The following GPC6 variants were observed in gnomAD, a reference collection of about 807,000 sequenced individuals.
GPC6 encodes glypican 6, also known as glypican-6.
In GPC6, 14 loss-of-function variants were observed where a neutral mutation model predicts 55.2. That is an observed-to-expected ratio of 0.25 (90% CI 0.17 to 0.40). GPC6 has a LOEUF of 0.40. GPC6 is among the 10% of genes least tolerant of loss of function. The probability of loss-of-function intolerance (pLI) is 1.00; values close to 1 mark genes in which losing one functional copy is unlikely to be tolerated. For synonymous variants in GPC6, 278 were observed against 259.6 expected (o/e 1.07, Z -0.68); for missense variants, 641 against 708.5 (o/e 0.90, Z 1.08).
intron 2 of GPC6, among the ~76,000 whole-genome samples, chr13:93,674,673 A>G (rs980030136): frequency 1.3e-5 from 2 of 152,164 alleles, no homozygotes; most frequent in Non-Finnish European, 2.9e-5. Flanking sequence ...CAGAATGAGG[A>G]GTGTTGGAGA....
intron 4 of GPC6, among the ~76,000 whole-genome samples, chr13:94,083,327 C>T (rs576766810): frequency 7.2e-5 from 11 of 152,222 alleles, no homozygotes; most frequent in African/African-American, 1.2e-4. Flanking sequence ...ACCGTGTTAG[C>T]CAGGATGGTC....
chr13:94,339,848 C>G (rs1285491944), intron 6 of GPC6, among the ~76,000 whole-genome samples: 1 of 147,458 alleles, frequency 6.8e-6, no homozygotes, highest in Non-Finnish European at 1.5e-5. Flanking sequence ...GCCTCAACCT[C>G]CAACTTCCGG....
Position 93,874,835 on chromosome 13 carries a change from C to T in GPC6, c.711+44290C>T, listed in dbSNP as rs572023303. ...TGGCATCCTCTGACATGACCTTATC[C>T]TAGTTACATCTCCTCTACCATTTTA... is the stretch of plus-strand genomic sequence containing the variant. On this transcript the variant is annotated intron_variant, in intron 3 of 8. Transcript: ENST00000377047. Among the ~76,000 whole-genome samples the T allele has an allele frequency of 8.6e-5, 13 of 151,932 alleles. No individual in the cohort carries two copies. In the East Asian group the frequency reaches 2.1e-3, roughly 25 times the overall value.
At chr13:93,711,092 A>G (rs1027808974) in intron 2 of GPC6, among the ~76,000 whole-genome samples, 1 of 151,838 alleles carries the variant, frequency 6.6e-6, no homozygotes, top group African/African-American at 2.4e-5. Flanking sequence ...CAAGGCTGAG[A>G]AATTATAAGT....
intron 3 of GPC6, among the ~76,000 whole-genome samples, chr13:93,990,446 A>T (rs1395745077): frequency 6.6e-6 from 1 of 152,144 alleles, no homozygotes; most frequent in Non-Finnish European, 1.5e-5. Context: ...TGAGGATAAA[A>T]TGTACAGTTG....
chr13:93,612,007 C>A (rs1878483337), intron 2 of GPC6, among the ~76,000 whole-genome samples: 1 of 152,020 alleles, frequency 6.6e-6, no homozygotes, highest in African/African-American at 2.4e-5. Flanking sequence ...CATAATATTT[C>A]AAAATTTAAC....
intron 3 of GPC6, among the ~76,000 whole-genome samples, chr13:93,983,246 G>A (rs1257793670): frequency 6.6e-6 from 1 of 152,102 alleles, no homozygotes; most frequent in Non-Finnish European, 1.5e-5. Context: ...CCAGTGCAAA[G>A]AGCAAAAATC....
intron 2 of GPC6, among the ~76,000 whole-genome samples, chr13:93,580,574 A>G (rs1876889481): frequency 6.6e-6 from 1 of 152,142 alleles, no homozygotes; most frequent in Admixed American, 6.5e-5. Flanking sequence ...GCCACGTGCT[A>G]TGGATACATC....
intron 2 of GPC6, among the ~76,000 whole-genome samples, chr13:93,781,997 T>A (rs1183752057): frequency 6.6e-6 from 1 of 152,186 alleles, no homozygotes; most frequent in Non-Finnish European, 1.5e-5. Flanking sequence ...TACAGTATAT[T>A]GTTCTTAATT....
chr13:93,729,576 A>C (rs1189335330), intron 2 of GPC6, among the ~76,000 whole-genome samples: 1 of 152,228 alleles, frequency 6.6e-6, no homozygotes, highest in African/African-American at 2.4e-5. Context: ...TAACATCAAG[A>C]GTTGGCAGGG....
chr13:93,313,948 T>C (rs1879160353), intron 1 of GPC6, among the ~76,000 whole-genome samples: 1 of 152,190 alleles, frequency 6.6e-6, no homozygotes, highest in Non-Finnish European at 1.5e-5. Context: ...CAGGCACATA[T>C]GTTTTCTAAT....
intron 1 of GPC6, among the ~76,000 whole-genome samples, chr13:93,488,482 C>A (rs539755825): frequency 2.0e-5 from 3 of 152,242 alleles, no homozygotes; most frequent in African/African-American, 7.2e-5. Context: ...TGGCTATATA[C>A]CCAGTAATGG....
At chr13:93,494,035 A>C (rs1362372337) in intron 1 of GPC6, among the ~76,000 whole-genome samples, 1 of 128,606 alleles carries the variant, frequency 7.8e-6, no homozygotes, top group Non-Finnish European at 1.7e-5. Flanking sequence ...GATGTCTATT[A>C]GGTCCGCTTG....
At chr13:93,838,039 G>A (rs1270599994) in intron 3 of GPC6, among the ~76,000 whole-genome samples, 1 of 152,158 alleles carries the variant, frequency 6.6e-6, no homozygotes, top group African/African-American at 2.4e-5. Flanking sequence ...TAATGGTTTT[G>A]TTTGTCTATT....
At chr13:93,649,338 GCT>G (rs1594341137) in intron 2 of GPC6, among the ~76,000 whole-genome samples, 2 of 152,064 alleles carry the variant, frequency 1.3e-5, no homozygotes, top group Non-Finnish European at 2.9e-5. Context: ...TGTCATCCCA[GCT>G]ACTCAGGAGG....
At chr13:93,517,126 A>C (rs1020907752) in intron 1 of GPC6, among the ~76,000 whole-genome samples, 5 of 152,190 alleles carry the variant, frequency 3.3e-5, no homozygotes, top group African/African-American at 1.2e-4. Context: ...CAAACGTTAA[A>C]GAGAAATATG....
chr13:94,035,196 A>G (rs1883293051), intron 4 of GPC6, among the ~76,000 whole-genome samples: 1 of 152,080 alleles, frequency 6.6e-6, no homozygotes, highest in African/African-American at 2.4e-5. Flanking sequence ...TTTGACTTTA[A>G]TAACATGTTA....
chr13:93,265,640 G>T (rs962759752), intron 1 of GPC6, among the ~76,000 whole-genome samples: 1 of 151,998 alleles, frequency 6.6e-6, no homozygotes, highest in African/African-American at 2.4e-5. Context: ...AAGACTTCTG[G>T]TCCCAAGCAT....
chr13:93,420,509 T>C (rs1876886353), intron 1 of GPC6, among the ~76,000 whole-genome samples: 1 of 151,960 alleles, frequency 6.6e-6, no homozygotes, highest in African/African-American at 2.4e-5. Flanking sequence ...TGAGGTGAGG[T>C]TGGAGAATTC....
Sources: allele counts gnomAD v4.1 joint callset (sites outside exome capture counted in the v4.1 genomes callset), GRCh38; gene constraint gnomAD v4.1.1; transcripts MANE v1.5; gene names NCBI Gene and HGNC (gene_info 2026-07-23, HGNC 2026-07-21).